CADPS: variants seen among roughly 807,000 people sequenced by gnomAD.
CADPS encodes the protein calcium dependent secretion activator.
Under a neutral mutation model 167.3 loss-of-function variants are expected in CADPS, and 57 were observed. The ratio of observed to expected loss-of-function variants is 0.34; its 90% CI spans 0.28 to 0.42. The LOEUF is 0.42. Among genes scored for constraint, CADPS ranks in the 20% least tolerant of loss-of-function variants. CADPS has a pLI of 1.00. For missense variants in CADPS, 1,414 were observed against 1,738.1 expected, an observed-to-expected ratio of 0.81 and a Z score of 3.32; for synonymous variants, 676 against 635.3, an observed-to-expected ratio of 1.06 and a Z score of -0.96.
At chr3:62,541,139 A>G (rs1479013975) in intron 11 of CADPS, among the ~76,000 whole-genome samples, 1 of 152,122 alleles carries the variant, frequency 6.6e-6, no homozygotes, top group Non-Finnish European at 1.5e-5. Flanking sequence ...TTTTTCATTA[A>G]CCGTATTTTT....
At position 62,548,556 on chromosome 3, in the gene CADPS, G is replaced by A. The variant is rs186258597; in HGVS notation, c.1966+1347C>T. ...CTGATCAACAAGGGTGTTGCAAGGT[G>A]TAAGAATATAGTCTTGTTGGACAGA... On this transcript the variant is annotated intron_variant, in intron 11 of 29. Transcript: ENST00000383710. 7.2e-5 allele frequency among the ~76,000 whole-genome samples: 11 copies of A among 152,342 alleles called. No individual in the cohort carries two copies. In the East Asian group the frequency reaches 1.5e-3, roughly 21 times the overall value.
chr3:62,475,196 G>T (rs1346414690), intron 23 of CADPS, among the ~76,000 whole-genome samples: 1 of 152,152 alleles, frequency 6.6e-6, no homozygotes, highest in Admixed American at 6.5e-5. Context: ...AAAAAGCCTA[G>T]CCTGACATGG....
chr3:62,769,857 T>G (rs2088093140), intron 1 of CADPS, among the ~76,000 whole-genome samples: 1 of 152,170 alleles, frequency 6.6e-6, no homozygotes, highest in Admixed American at 6.5e-5. Context: ...GGCAACCTAC[T>G]TTCCCTAAGC....
At chr3:62,719,562 C>T (rs953124373) in intron 3 of CADPS, among the ~76,000 whole-genome samples, 5 of 152,194 alleles carry the variant, frequency 3.3e-5, no homozygotes, top group Admixed American at 6.5e-5. Flanking sequence ...AAGGACTTTA[C>T]CTGTGTTTGC....
intron 1 of CADPS, among the ~76,000 whole-genome samples, chr3:62,769,530 C>A (rs1175563779): frequency 6.6e-6 from 1 of 152,080 alleles, no homozygotes; most frequent in Non-Finnish European, 1.5e-5. Context: ...CTGTGGCCAC[C>A]CTAATTCTCA....
chr3:62,405,494 C>T (rs1456726714), intron 28 of CADPS, among the ~76,000 whole-genome samples: 1 of 151,110 alleles, frequency 6.6e-6, no homozygotes, highest in Non-Finnish European at 1.5e-5. Context: ...GCCGCCCCTC[C>T]ATTTTATGTA....
chr3:62,806,915 T>G (rs1292051494), intron 1 of CADPS, among the ~76,000 whole-genome samples: 1 of 152,204 alleles, frequency 6.6e-6, no homozygotes, highest in African/African-American at 2.4e-5. Context: ...CTGGAATAAT[T>G]ATTTCCTCTC....
chr3:62,489,467 A>G (rs546466523), intron 21 of CADPS, among the ~76,000 whole-genome samples: 1 of 152,266 alleles, frequency 6.6e-6, no homozygotes, highest in Non-Finnish European at 1.5e-5. Context: ...GCCGTGTTTG[A>G]CTTTTAAGAA....
intron 3 of CADPS, among the ~76,000 whole-genome samples, chr3:62,702,142 C>T (rs916415429): frequency 3.3e-5 from 5 of 152,090 alleles, no homozygotes; most frequent in African/African-American, 1.2e-4. Flanking sequence ...ATACTGAAGC[C>T]CTCAAAATCA....
At chr3:62,603,016 C>CG (rs2060192720) in intron 6 of CADPS, among the ~76,000 whole-genome samples, 2 of 152,202 alleles carry the variant, frequency 1.3e-5, no homozygotes, top group South Asian at 4.1e-4. Flanking sequence ...AGGAAGCAGG[C>CG]GGGGGCAATA....
chr3:62,401,731 CA>C (rs1052673513), intron 29 of CADPS, among the ~76,000 whole-genome samples: 1 of 96,872 alleles, frequency 1.0e-5, no homozygotes, highest in African/African-American at 3.5e-5. Context: ...GCTCATACCA[CA>C]TTTTTTTTTT....
In CADPS at chr3:62,412,719, T is replaced by C. The variant is rs370001317; in HGVS notation, c.3778-9534A>G. Among the ~76,000 whole-genome samples, 26 of 152,268 alleles carry C rather than the reference T, an allele frequency of 1.7e-4. No homozygotes were observed. In the South Asian group the frequency reaches 2.3e-3, roughly 13 times the overall value. ...TCAGCCTTCTAACCCAAGTCAGTCC[T>C]GTTGCATGGGGGAAATTTCAAGGGG... is the stretch of plus-strand genomic sequence containing the variant. On this transcript the variant is annotated intron_variant, in intron 28 of 29. Transcript: ENST00000383710. This position sits in a 1 kb window ranked among gnomAD's most constrained non-coding sequence, Gnocchi z 4.1.
intron 21 of CADPS, among the ~76,000 whole-genome samples, chr3:62,486,104 G>A (rs2062773794): frequency 6.6e-6 from 1 of 152,110 alleles, no homozygotes; most frequent in Non-Finnish European, 1.5e-5. Context: ...TGTATCTTAT[G>A]GCATTATGTT....
At chr3:62,811,581 T>G (rs946859464) in intron 1 of CADPS, among the ~76,000 whole-genome samples, 1 of 152,220 alleles carries the variant, frequency 6.6e-6, no homozygotes, top group Non-Finnish European at 1.5e-5. Context: ...AAGCCCAGCT[T>G]AAGGCTTCCT....
chr3:62,795,529 C>T (rs1270310105), intron 1 of CADPS, among the ~76,000 whole-genome samples: 1 of 152,168 alleles, frequency 6.6e-6, no homozygotes, highest in Non-Finnish European at 1.5e-5. Context: ...TTCTTGTTTA[C>T]TAAGGCTTGT....
intron 3 of CADPS, among the ~76,000 whole-genome samples, chr3:62,715,817 C>T (rs187393024): frequency 5.2e-5 from 6 of 116,504 alleles, no homozygotes; most frequent in South Asian, 2.9e-4. Flanking sequence ...AGTGCAGTGG[C>T]GCGATCTCAG....
intron 26 of CADPS, among the ~76,000 whole-genome samples, chr3:62,462,218 G>A (rs573874898): frequency 6.6e-6 from 1 of 152,336 alleles, no homozygotes; most frequent in East Asian, 1.9e-4. Context: ...TCAAAAGTTC[G>A]AAAGGCGCCT....
chr3:62,556,051 A>C (rs900061365), intron 10 of CADPS, among the ~76,000 whole-genome samples: 1 of 152,180 alleles, frequency 6.6e-6, no homozygotes, highest in African/African-American at 2.4e-5. Context: ...CCTTCTACTT[A>C]AAAATAAAAG....
At chr3:62,674,028 A>G (rs2075971086) in intron 3 of CADPS, among the ~76,000 whole-genome samples, 1 of 152,168 alleles carries the variant, frequency 6.6e-6, no homozygotes, top group African/African-American at 2.4e-5. Flanking sequence ...AGTGAACCTC[A>G]TTTTCAAACA....
Sources: gnomAD v4.1 joint callset for allele counts (sites outside exome capture counted in the v4.1 genomes callset) on GRCh38, gnomAD v4.1.1 for gene constraint, Gnocchi (gnomAD v3.1) non-coding constraint, MANE v1.5 for transcripts, NCBI Gene and HGNC (gene_info 2026-07-23, HGNC 2026-07-21) for gene names.